The following TCF4 variants were observed in gnomAD, a reference collection of about 807,000 sequenced individuals.
TCF4 encodes the protein SL3-3 enhancer factor 2.
Under a neutral mutation model 82.1 loss-of-function variants are expected in TCF4, and 3 were observed. That is an observed-to-expected ratio of 0.04 (90% CI 0.02 to 0.09). The LOEUF (loss-of-function observed/expected upper bound fraction) is 0.09. TCF4 is among the 10% of genes least tolerant of loss of function. The pLI is 1.00. For synonymous variants in TCF4, 276 were observed against 309.6 expected (o/e 0.89, Z 1.14); for missense variants, 518 against 852.7 (o/e 0.61, Z 4.89).
At chr18:55,300,790 T>C (rs2068005038) in intron 8 of TCF4, among the ~76,000 whole-genome samples, 1 of 152,020 alleles carries the variant, frequency 6.6e-6, no homozygotes, top group East Asian at 1.9e-4. Context: ...TTGCAGGTCT[T>C]GCCGGGCTGC....
intron 9 of TCF4, among the ~76,000 whole-genome samples, chr18:55,278,824 T>TC (rs1420368828): frequency 4.9e-5 from 1 of 20,314 alleles, no homozygotes; most frequent in African/African-American, 6.4e-4. Flanking sequence ...TGCCTTGGCC[T>TC]CCCAAGTGTT....
chr18:55,286,848 A>C (rs2063800929), intron 8 of TCF4, among the ~76,000 whole-genome samples: 1 of 152,232 alleles, frequency 6.6e-6, no homozygotes, highest in Non-Finnish European at 1.5e-5. Flanking sequence ...CATAAATAGG[A>C]AATGTGCTTA....
intron 2 of TCF4, among the ~76,000 whole-genome samples, chr18:55,604,448 AG>A (rs1192848619): frequency 6.6e-6 from 1 of 152,020 alleles, no homozygotes; most frequent in Non-Finnish European, 1.5e-5. Flanking sequence ...AAGTTACGGA[AG>A]GGTTAAGAAA....
chr18:55,531,410 G>C (rs575535026), intron 3 of TCF4, among the ~76,000 whole-genome samples: 302 of 152,294 alleles, frequency 2.0e-3, no homozygotes, highest in Non-Finnish European at 2.6e-3. Context: ...GCTAAGTAGA[G>C]AATGGGGGAA....
chr18:55,567,593 A>T (rs558295781), intron 3 of TCF4, among the ~76,000 whole-genome samples: 6 of 152,212 alleles, frequency 3.9e-5, no homozygotes, highest in African/African-American at 1.4e-4. Context: ...CACGCCTGTA[A>T]TCCCAGCTAC....
intron 2 of TCF4, among the ~76,000 whole-genome samples, chr18:55,630,827 G>C (rs983371542): frequency 6.6e-6 from 1 of 152,178 alleles, no homozygotes; most frequent in Non-Finnish European, 1.5e-5. Flanking sequence ...CTTGTTTTCT[G>C]TAGGATGAGT....
At chr18:55,389,754 G>C (rs1226943394) in intron 6 of TCF4, among the ~76,000 whole-genome samples, 2 of 152,148 alleles carry the variant, frequency 1.3e-5, no homozygotes, top group African/African-American at 4.8e-5. Flanking sequence ...TGTGGAGACT[G>C]TCACTCCAGC....
chr18:55,446,325 T>C (rs1182307875), intron 5 of TCF4, among the ~76,000 whole-genome samples: 2 of 152,106 alleles, frequency 1.3e-5, no homozygotes, highest in Non-Finnish European at 2.9e-5. Flanking sequence ...CCTCCTAAAA[T>C]GAAGGGGAAA....
At chr18:55,349,472 A>G (rs557574925) in intron 8 of TCF4, among the ~76,000 whole-genome samples, 7 of 152,298 alleles carry the variant, frequency 4.6e-5, no homozygotes, top group East Asian at 1.9e-4. Flanking sequence ...TATAAAAACA[A>G]TAAGTCTCAG....
At chr18:55,420,839 G>A (rs575399320) in intron 5 of TCF4, among the ~76,000 whole-genome samples, 1 of 149,846 alleles carries the variant, frequency 6.7e-6, no homozygotes, top group African/African-American at 2.5e-5. Flanking sequence ...ATTTTTAAAT[G>A]AGCCCCAAAT....
chr18:55,391,827 A>C (rs769161524), intron 6 of TCF4, among the ~76,000 whole-genome samples: 2 of 149,120 alleles, frequency 1.3e-5, no homozygotes, highest in Non-Finnish European at 3.0e-5. Flanking sequence ...AATCCCAACT[A>C]CTCGGGAGGG....
intron 15 of TCF4, among the ~76,000 whole-genome samples, chr18:55,243,852 T>C (rs978144791): frequency 2.6e-5 from 4 of 152,204 alleles, no homozygotes; most frequent in Non-Finnish European, 4.4e-5. Flanking sequence ...AATGTGTCAA[T>C]GGCAAACGTT....
At chr18:55,515,160 A>G (rs2096869109) in intron 3 of TCF4, among the ~76,000 whole-genome samples, 1 of 152,188 alleles carries the variant, frequency 6.6e-6, no homozygotes, top group Non-Finnish European at 1.5e-5. Context: ...GTAAAGATGG[A>G]GAAACAAAGT....
intron 12 of TCF4, chr18:55,261,243 TGA>T (rs756095941): frequency 8.4e-6 from 5 of 596,184 alleles, no homozygotes; most frequent in Non-Finnish European, 1.5e-5. Context: ...CATCCATAAT[TGA>T]GTGCAGCTTA....
chr18:55,453,169 G>A (rs1280646818), intron 5 of TCF4, among the ~76,000 whole-genome samples: 1 of 151,980 alleles, frequency 6.6e-6, no homozygotes. Context: ...GCAGTGTGGT[G>A]GGGAGACACC....
At chr18:55,627,992 G>A (rs183934016) in intron 2 of TCF4, among the ~76,000 whole-genome samples, 1 of 152,108 alleles carries the variant, frequency 6.6e-6, no homozygotes, top group African/African-American at 2.4e-5. Context: ...CCCGGGAGGC[G>A]GAGCTTGCAG....
At chr18:55,333,108 A>G (rs182780363) in intron 8 of TCF4, among the ~76,000 whole-genome samples, 20 of 152,338 alleles carry the variant, frequency 1.3e-4, no homozygotes, top group Admixed American at 9.1e-4. Flanking sequence ...ATATTCTAAA[A>G]TAAGTTATCA....
chr18:55,331,526 GATTT>G (rs1356560892), intron 8 of TCF4, among the ~76,000 whole-genome samples: 1 of 152,134 alleles, frequency 6.6e-6, no homozygotes, highest in Admixed American at 6.6e-5. Context: ...AACAAAAAGA[GATTT>G]ATTTCCTTCC....
At chr18:55,310,518 C>G (rs2072008030) in intron 8 of TCF4, among the ~76,000 whole-genome samples, 1 of 152,194 alleles carries the variant, frequency 6.6e-6, no homozygotes, top group East Asian at 1.9e-4. Flanking sequence ...CCTTCCTCCA[C>G]AGGGTGCTAC....
Sources: allele counts gnomAD v4.1 joint callset (sites outside exome capture counted in the v4.1 genomes callset), GRCh38; gene constraint gnomAD v4.1.1; transcripts MANE v1.5; gene names NCBI Gene and HGNC (gene_info 2026-07-23, HGNC 2026-07-21).